The following PKNOX2 variants were observed in gnomAD, a reference collection of about 807,000 sequenced individuals.
PKNOX2 encodes PBX/knotted 1 homeobox 2.
A neutral mutation model predicts 53.1 loss-of-function variants in PKNOX2; 14 were observed. That is an observed-to-expected ratio of 0.26 (90% CI 0.17 to 0.41). PKNOX2 has a LOEUF of 0.41. Ranked by LOEUF, PKNOX2 falls within the 10% of genes least tolerant of loss-of-function variation. The pLI is 1.00. For missense variants in PKNOX2, 496 were observed against 602.8 expected (o/e 0.82, Z 1.85); for synonymous variants, 257 against 242.8 (o/e 1.06, Z -0.54).
In PKNOX2 at chr11:125,331,802, T is replaced by A. The variant is rs1378019248; in HGVS notation, c.-129-17T>A. 1.3e-5 allele frequency: 2 copies of A among 152,324 alleles called. No homozygotes were observed. Among genetic ancestry groups the A allele is most frequent in the Non-Finnish European group, 2.9e-5 (2 of 68,150 alleles). The allele number at this position is 152,324 out of a possible 1,614,324, so 9.4% of individuals were successfully genotyped here. A position where few individuals can be genotyped will look rare whatever the true frequency, so the allele number is the denominator to read the frequency against. On this transcript the variant is annotated splice_polypyrimidine_tract_variant and intron_variant, in intron 2 of 12. Transcript: ENST00000298282. ...TCTTGCCTTCCCTGCTGAGAGCTGC[T>A]CTACCCTTTTTTGCAGGTGCTTTGG...
At position 125,166,579 on chromosome 11, in the gene PKNOX2, G is replaced by A. The variant is rs186359543; in HGVS notation, c.-201+1803G>A. ...TCTGCGGGCGCAGCGCGGCGGGGCGGGAGCGGTGGCCCGCAGGGGCCGCGG... is the reference window on the plus strand; with the variant it reads ...TCTGCGGGCGCAGCGCGGCGGGGCGAGAGCGGTGGCCCGCAGGGGCCGCGG... On this transcript the variant is annotated intron_variant, in intron 1 of 12. Transcript: ENST00000298282. The surrounding 1 kb of genome is among the most constrained non-coding windows in gnomAD (Gnocchi z 4.0). Among the ~76,000 whole-genome samples, 6 of 152,272 alleles carry A rather than the reference G, an allele frequency of 3.9e-5. No homozygotes were observed. Among genetic ancestry groups the A allele is most frequent in the Non-Finnish European group, 7.4e-5 (5 of 68,016 alleles).
intron 2 of PKNOX2, among the ~76,000 whole-genome samples, chr11:125,251,018 T>C (rs1591496634): frequency 6.6e-6 from 1 of 152,216 alleles, no homozygotes; most frequent in Non-Finnish European, 1.5e-5. Context: ...ATAACGCTGA[T>C]TGCCCAACAG....
rs563061294 is a variant in PKNOX2 at position 125,395,086 on chromosome 11, G to A, written c.400-2788G>A. Among the ~76,000 whole-genome samples the A allele has an allele frequency of 6.6e-5, 10 of 152,136 alleles. No individual in the cohort carries two copies. In the East Asian group the frequency reaches 1.5e-3, roughly 23 times the overall value. On this transcript the variant is annotated intron_variant, in intron 6 of 12. Transcript: ENST00000298282. ...TCCTCCCTCCCTCCTCCACTCTACC[G>A]CTGTCAACCACTAATCTGTCTTTCT...
intron 2 of PKNOX2, among the ~76,000 whole-genome samples, chr11:125,312,997 A>G (rs577909431): frequency 6.4e-4 from 98 of 152,346 alleles, no homozygotes; most frequent in Non-Finnish European, 3.8e-4. Flanking sequence ...GGGAGGCTGC[A>G]GAGGAGGCCA....
intron 7 of PKNOX2, among the ~76,000 whole-genome samples, chr11:125,404,329 C>A (rs897345550): frequency 1.3e-5 from 2 of 151,828 alleles, no homozygotes; most frequent in African/African-American, 4.8e-5. Context: ...CTTCTCCCGC[C>A]TGAGAAGGAA....
intron 4 of PKNOX2, among the ~76,000 whole-genome samples, chr11:125,367,537 GT>G (rs1303691950): frequency 1.3e-5 from 2 of 152,280 alleles, no homozygotes; most frequent in African/African-American, 2.4e-5. Context: ...TCATCCTATT[GT>G]TTTTTTCTAC....
At chr11:125,425,547 CCG>C (rs1956368754) in intron 10 of PKNOX2, among the ~76,000 whole-genome samples, 1 of 130,664 alleles carries the variant, frequency 7.7e-6, no homozygotes, top group Admixed American at 7.6e-5. Context: ...TGATGGTTTG[CCG>C]TGATCCAATA....
At chr11:125,189,447 GTATATATATA>G (rs58968290) in intron 1 of PKNOX2, among the ~76,000 whole-genome samples, 368 of 23,234 alleles carry the variant, frequency 0.016, 1 homozygote, top group African/African-American at 0.031. Flanking sequence ...GTGTGTGTGT[GTATATATATA>G]TATATATATA....
intron 7 of PKNOX2, among the ~76,000 whole-genome samples, chr11:125,402,830 C>T (rs1954832410): frequency 6.6e-6 from 1 of 152,194 alleles, no homozygotes; most frequent in Non-Finnish European, 1.5e-5. Flanking sequence ...GTCCCAGACC[C>T]AGCCCTCACA....
At chr11:125,426,513 A>C (rs1374660510) in intron 10 of PKNOX2, among the ~76,000 whole-genome samples, 1 of 152,128 alleles carries the variant, frequency 6.6e-6, no homozygotes, top group African/African-American at 2.4e-5. Flanking sequence ...AGCTCTGCTC[A>C]AGAAACAAGT....
Position 125,412,705 on chromosome 11 carries a change from G to A in PKNOX2, c.936+840G>A, listed in dbSNP as rs544144653. ...CACGGGCGGGCTTCCATTAGTCTGC[G>A]AGCTCCTGCCCTGGCATGTCAGGAC... On this transcript the variant is annotated intron_variant, in intron 10 of 12. Transcript: ENST00000298282. Among the ~76,000 whole-genome samples the A allele has an allele frequency of 2.2e-4, 33 of 152,224 alleles. 1 individual carries two copies. The highest frequency in any genetic ancestry group is 5.2e-4 in the Admixed American group (8 of 15,290).
At chr11:125,202,373 G>A (rs1185476440) in intron 1 of PKNOX2, among the ~76,000 whole-genome samples, 1 of 152,158 alleles carries the variant, frequency 6.6e-6, no homozygotes, top group Non-Finnish European at 1.5e-5. Flanking sequence ...TGCTGATGGG[G>A]TGGGCAAGGA....
chr11:125,355,804 A>G (rs12278008), intron 4 of PKNOX2, among the ~76,000 whole-genome samples: 336 of 152,160 alleles, frequency 2.2e-3, no homozygotes, highest in African/African-American at 7.7e-3. Flanking sequence ...TTGGGAACAC[A>G]CAACCACCCC....
chr11:125,189,445 GTGTATATATATATA>G lies in PKNOX2; in HGVS notation c.-201+24671_-201+24684del, dbSNP rs1412434743. 5.0e-3 allele frequency among the ~76,000 whole-genome samples: 251 copies of G among 50,548 alleles called. 1 individual carries two copies. The highest frequency in any genetic ancestry group is 0.017 in the African/African-American group (199 of 11,954). The allele number at this position is 50,548 out of a possible 152,430, so 33.2% of individuals were successfully genotyped here. ...TGTGTGTGTGTGTGTGTGTGTGTGT[GTGTATATATATATA>G]TATATATATATATATATATATATAT... On this transcript the variant is annotated intron_variant, in intron 1 of 12. Transcript: ENST00000298282.
chr11:125,343,231 A>T (rs1442589962), intron 3 of PKNOX2, among the ~76,000 whole-genome samples: 1 of 152,128 alleles, frequency 6.6e-6, no homozygotes, highest in East Asian at 1.9e-4. Context: ...GGGACACAAT[A>T]GTCATGGCCT....
At chr11:125,312,299 C>T (rs1046168334) in intron 2 of PKNOX2, among the ~76,000 whole-genome samples, 1 of 152,148 alleles carries the variant, frequency 6.6e-6, no homozygotes, top group Non-Finnish European at 1.5e-5. Flanking sequence ...TTTCCTGAAG[C>T]TCACTATCAA....
chr11:125,391,229 T>G (rs1296399334), intron 6 of PKNOX2, among the ~76,000 whole-genome samples: 2 of 152,196 alleles, frequency 1.3e-5, no homozygotes, highest in East Asian at 3.8e-4. Flanking sequence ...TTTCCTTATC[T>G]CTAGGAGAGA....
intron 2 of PKNOX2, among the ~76,000 whole-genome samples, chr11:125,257,300 G>A (rs1944482099): frequency 6.6e-6 from 1 of 152,198 alleles, no homozygotes; most frequent in Admixed American, 6.5e-5. Context: ...GGGGAGAGGG[G>A]AGAGGGGAAG....
intron 1 of PKNOX2, among the ~76,000 whole-genome samples, chr11:125,228,442 G>A (rs1225466480): frequency 6.6e-6 from 1 of 152,198 alleles, no homozygotes; most frequent in Non-Finnish European, 1.5e-5. Context: ...CTCAATAAAT[G>A]TTTGCTATTA....
Sources: allele counts gnomAD v4.1 joint callset (sites outside exome capture counted in the v4.1 genomes callset), GRCh38; gene constraint gnomAD v4.1.1; non-coding constraint Gnocchi (gnomAD v3.1); transcripts MANE v1.5; gene names NCBI Gene and HGNC (gene_info 2026-07-23, HGNC 2026-07-21).